The following NSD3 variants were observed in gnomAD, a reference collection of about 807,000 sequenced individuals.
The protein encoded by NSD3 is histone-lysine N-methyltransferase NSD3.
NSD3 carries 24 observed loss-of-function variants against 160.8 expected under a neutral mutation model. That is an observed-to-expected ratio of 0.15 (90% CI 0.11 to 0.21). The LOEUF (loss-of-function observed/expected upper bound fraction) is 0.21, where lower values mean the gene tolerates loss of function less well. NSD3 is among the 10% of genes least tolerant of loss of function. The pLI is 1.00. For synonymous variants in NSD3, 520 were observed against 600.0 expected, an observed-to-expected ratio of 0.87 and a Z score of 1.95; for missense variants, 1,157 against 1,735.9, an observed-to-expected ratio of 0.67 and a Z score of 5.93.
At chr8:38,365,856 G>A (rs775525054) in intron 1 of NSD3, among the ~76,000 whole-genome samples, 14 of 152,000 alleles carry the variant, frequency 9.2e-5, no homozygotes, top group Non-Finnish European at 1.6e-4. Flanking sequence ...TTCCTTTGAC[G>A]TTCACTCTGT....
Position 38,288,591 on chromosome 8 carries a change from G to A in NSD3, c.3397C>T (p.Arg1133Cys), listed in dbSNP as rs1159628992. 1.2e-6 allele frequency: 2 copies of A among 1,614,116 alleles called. No homozygotes were observed. The highest frequency in any genetic ancestry group is 1.1e-5 in the South Asian group (1 of 91,086). ...CHPQVCPAGD[R>C]CQNQCFTKRL... ...TTTGTAAAGCACTGGTTCTGACAAC[G>A]ATCTCCAGCTGGGCACACCTGCGGG... Residue 1133 changes from arginine to cysteine, a missense_variant, in exon 19 of 24, where the codon CGT becomes TGT. Arg to Cys is a radical substitution (Grantham distance 180). Coordinates refer to ENST00000317025, the MANE Select transcript of NSD3 (RefSeq NM_023034.2). The surrounding 1 kb of genome is among the most constrained non-coding windows in gnomAD (Gnocchi z 4.5).
chr8:38,333,595 C>T (rs1382975632), intron 4 of NSD3, among the ~76,000 whole-genome samples: 1 of 152,194 alleles, frequency 6.6e-6, no homozygotes, highest in Non-Finnish European at 1.5e-5. Flanking sequence ...TGGCCGGGCG[C>T]GGTGGCTCAC....
At chr8:38,325,436 C>T (rs145099303) in intron 7 of NSD3, among the ~76,000 whole-genome samples, 40 of 152,296 alleles carry the variant, frequency 2.6e-4, no homozygotes, top group African/African-American at 9.6e-4. Context: ...AATGAACACG[C>T]TAGTTAATAC....
At chr8:38,348,292 A>T in intron 1 of NSD3, 77 bp from the exon 2 acceptor site, 2 of 1,192,810 alleles carry the variant, frequency 1.7e-6, no homozygotes, top group South Asian at 1.7e-5. Flanking sequence ...AAAAGGATTA[A>T]ACTAAAATGT....
At chr8:38,363,908 CAGA>C (rs569919717) in intron 1 of NSD3, 27 of 152,220 alleles carry the variant, frequency 1.8e-4, no homozygotes, top group Middle Eastern at 3.4e-3. Flanking sequence ...TCCCTATAAA[CAGA>C]AGGAGGGGAA....
intron 1 of NSD3, among the ~76,000 whole-genome samples, chr8:38,355,914 G>T (rs1810812614): frequency 6.6e-6 from 1 of 152,108 alleles, no homozygotes; most frequent in Admixed American, 6.5e-5. Context: ...CAAATAACTT[G>T]CCATAGTCTG....
chr8:38,298,496 G>C (rs572985121), intron 15 of NSD3, among the ~76,000 whole-genome samples: 5 of 151,906 alleles, frequency 3.3e-5, no homozygotes, highest in Admixed American at 6.6e-5. Context: ...GCAACACAAA[G>C]AATTTTTTCA....
At position 38,318,559 on chromosome 8, in the gene NSD3, G is replaced by A. The variant is rs545093931; in HGVS notation, c.1855+336C>T. 7.9e-5 allele frequency among the ~76,000 whole-genome samples: 12 copies of A among 152,106 alleles called. No individual in the cohort carries two copies. Among genetic ancestry groups the A allele is most frequent in the African/African-American group, 2.7e-4 (11 of 41,474 alleles). ...TGACAAACATGAATAGCTACTATTC[G>A]GTATTCAGTCGAATACCAAAAAAAG... On this transcript the variant is annotated intron_variant, in intron 9 of 23. Coordinates refer to ENST00000317025, the MANE Select transcript of NSD3 (RefSeq NM_023034.2). This position sits in a 1 kb window ranked among gnomAD's most constrained non-coding sequence, Gnocchi z 5.3.
chr8:38,366,769 G>A (rs997500644), intron 1 of NSD3, among the ~76,000 whole-genome samples: 2 of 151,958 alleles, frequency 1.3e-5, no homozygotes, highest in African/African-American at 2.4e-5. Context: ...CTAACCACAC[G>A]TAGCTATTTA....
At position 38,319,846 on chromosome 8, in the gene NSD3, A is replaced by G. The variant is rs1375293963; in HGVS notation, c.1810-906T>C. On this transcript the variant is annotated intron_variant, in intron 8 of 23. Transcript: ENST00000317025. The surrounding 1 kb of genome is among the most constrained non-coding windows in gnomAD (Gnocchi z 4.1). The stretch of plus-strand genomic sequence containing the variant: ...ATAAGATACAATTAGTAATACAAAT[A>G]TAAAATCTTCTAAACAATCACTGGT... The G allele has an allele frequency of 6.6e-6, 1 of 152,218 alleles. No homozygotes were observed. The highest frequency in any genetic ancestry group is 2.4e-5 in the African/African-American group (1 of 41,446). The allele number at this position is 152,218 out of a possible 1,614,324, so 9.4% of individuals were successfully genotyped here.
intron 1 of NSD3, among the ~76,000 whole-genome samples, chr8:38,351,112 C>G (rs1256007245): frequency 6.6e-6 from 1 of 151,454 alleles, no homozygotes; most frequent in African/African-American, 2.4e-5. Flanking sequence ...GCTGGGACTA[C>G]AGGTGCCCGC....
At chr8:38,326,581 A>G in intron 7 of NSD3, 149 bp downstream of exon 7, 1 of 961,064 alleles carries the variant, frequency 1.0e-6, no homozygotes, top group South Asian at 3.2e-5. Flanking sequence ...CCACTTTCCT[A>G]TTAAAGTAAC....
At chr8:38,314,252 A>G (rs1443170103) in intron 12 of NSD3, among the ~76,000 whole-genome samples, 1 of 152,238 alleles carries the variant, frequency 6.6e-6, no homozygotes, top group Non-Finnish European at 1.5e-5. Flanking sequence ...GATTTCCAGT[A>G]GCTCCAAATT....
intron 5 of NSD3, among the ~76,000 whole-genome samples, chr8:38,330,200 T>C (rs1168763982): frequency 2.6e-5 from 4 of 152,134 alleles, no homozygotes; most frequent in Non-Finnish European, 4.4e-5. Flanking sequence ...AAGAGAACAA[T>C]GATTACAGAA....
Position 38,370,792 on chromosome 8 carries a change from T to C in NSD3, c.-45+11007A>G, listed in dbSNP as rs150970278. On this transcript the variant is annotated intron_variant, in intron 1 of 23. Coordinates refer to ENST00000317025, the MANE Select transcript of NSD3 (RefSeq NM_023034.2). ...TTGTATACTTTAAATGGATAAATTT[T>C]GGGTATGTGAATTATATCTCAATAA... Among the ~76,000 whole-genome samples, 380 of 152,282 alleles carry C rather than the reference T, an allele frequency of 2.5e-3. 1 individual carries two copies. Among genetic ancestry groups the C allele is most frequent in the African/African-American group, 8.1e-3 (336 of 41,576 alleles).
intron 7 of NSD3, among the ~76,000 whole-genome samples, chr8:38,324,618 C>T (rs1425529852): frequency 3.9e-5 from 6 of 151,988 alleles, no homozygotes; most frequent in Non-Finnish European, 8.8e-5. Flanking sequence ...GATCTCTGCC[C>T]CTGGTTCCTG....
intron 1 of NSD3, among the ~76,000 whole-genome samples, chr8:38,368,574 C>A (rs894745642): frequency 6.6e-6 from 1 of 152,136 alleles, no homozygotes; most frequent in Non-Finnish European, 1.5e-5. Flanking sequence ...TTAAGTTATA[C>A]AACATTTTAG....
Position 38,330,130 on chromosome 8 carries a change from C to G in NSD3, c.1066-237G>C, listed in dbSNP as rs1477495150. Among the ~76,000 whole-genome samples the G allele has an allele frequency of 5.3e-5, 8 of 152,102 alleles. No homozygotes were observed. The East Asian group carries it at 1.5e-3, about 29-fold the overall frequency. The stretch of plus-strand genomic sequence containing the variant: ...GCTGATCACTCTGCTGGACAAGGTC[C>G]CCAAGAGGGAGACATCCTTCTCCTC... On this transcript the variant is annotated intron_variant, in intron 5 of 23. Coordinates refer to ENST00000317025, the MANE Select transcript of NSD3 (RefSeq NM_023034.2).
At chr8:38,320,746 CAAT>C (rs1809780132) in intron 8 of NSD3, 2 of 184,290 alleles carry the variant, frequency 1.1e-5, no homozygotes, top group Non-Finnish European at 2.2e-5. Flanking sequence ...AAAAGGAACT[CAAT>C]GATGGTTCCA....
Sources: gnomAD v4.1 joint callset for allele counts (sites outside exome capture counted in the v4.1 genomes callset) on GRCh38, gnomAD v4.1.1 for gene constraint, Gnocchi (gnomAD v3.1) non-coding constraint, MANE v1.5 for transcripts, NCBI Gene and HGNC (gene_info 2026-07-23, HGNC 2026-07-21) for gene names.